HS3ST4: variants seen among roughly 807,000 people sequenced by gnomAD.
HS3ST4 encodes the protein heparan sulfate glucosamine 3-O-sulfotransferase 4.
In HS3ST4, 17 loss-of-function variants were observed where a neutral mutation model predicts 29.2. The ratio of observed to expected loss-of-function variants is 0.58; its 90% confidence interval spans 0.40 to 0.87. The LOEUF is 0.87. HS3ST4 is among the 40% of genes least tolerant of loss of function. The probability of loss-of-function intolerance (pLI) is 0.00; values close to 1 mark genes in which losing one functional copy is unlikely to be tolerated. For missense variants in HS3ST4, 627 were observed against 634.5 expected (o/e 0.99, Z 0.13); for synonymous variants, 314 against 285.7 (o/e 1.10, Z -1.00).
chr16:25,694,114 G>T (rs575190887), intron 1 of HS3ST4, among the ~76,000 whole-genome samples: 1 of 152,188 alleles, frequency 6.6e-6, no homozygotes, highest in Admixed American at 6.5e-5. Flanking sequence ...GATCTGCATG[G>T]CTGGCTGCAT....
At position 25,767,422 on chromosome 16, in the gene HS3ST4, C is replaced by T. The variant is rs548530100; in HGVS notation, c.734+74271C>T. The stretch of plus-strand genomic sequence containing the variant: ...TGAACCCTAAGCGAATATGTCTCCT[C>T]GGGGGGTGGCTGAGTGTCAACTCCA... On this transcript the variant is annotated intron_variant, in intron 1 of 1. Coordinates refer to ENST00000331351, the MANE Select transcript of HS3ST4 (RefSeq NM_006040.3). Among the ~76,000 whole-genome samples the T allele has an allele frequency of 1.4e-4, 21 of 151,938 alleles. 1 individual carries two copies. The highest frequency in any genetic ancestry group is 6.3e-4 in the South Asian group (3 of 4,800).
At chr16:25,876,414 G>A (rs1367832406) in intron 1 of HS3ST4, among the ~76,000 whole-genome samples, 2 of 152,110 alleles carry the variant, frequency 1.3e-5, no homozygotes, top group African/African-American at 4.8e-5. Flanking sequence ...TCTTATGAGT[G>A]GCACCATTCC....
chr16:25,751,653 G>A (rs1431568897), intron 1 of HS3ST4, among the ~76,000 whole-genome samples: 2 of 152,170 alleles, frequency 1.3e-5, no homozygotes, highest in Non-Finnish European at 2.9e-5. Context: ...TGCTAAACAG[G>A]AATCATATTT....
intron 1 of HS3ST4, among the ~76,000 whole-genome samples, chr16:26,081,379 T>C (rs1246470067): frequency 6.6e-6 from 1 of 152,130 alleles, no homozygotes; most frequent in Non-Finnish European, 1.5e-5. Context: ...CAGGATTTTG[T>C]TTTTCTAAAT....
chr16:25,773,623 T>C (rs1026130746), intron 1 of HS3ST4, among the ~76,000 whole-genome samples: 14 of 152,186 alleles, frequency 9.2e-5, no homozygotes, highest in African/African-American at 3.4e-4. Flanking sequence ...GAAAACATCT[T>C]GAAATGCTGG....
intron 1 of HS3ST4, among the ~76,000 whole-genome samples, chr16:26,133,538 T>C (rs778043442): frequency 3.9e-4 from 60 of 152,350 alleles, no homozygotes; most frequent in Admixed American, 8.5e-4. Context: ...TGGTTGTTTA[T>C]GGCCAGGGCT....
At chr16:25,863,159 GT>G (rs550148222) in intron 1 of HS3ST4, among the ~76,000 whole-genome samples, 1 of 151,996 alleles carries the variant, frequency 6.6e-6, no homozygotes, top group Non-Finnish European at 1.5e-5. Context: ...TTTATATGAA[GT>G]TTTTTTTCTG....
intron 1 of HS3ST4, among the ~76,000 whole-genome samples, chr16:25,771,886 G>A (rs1233900791): frequency 6.6e-6 from 1 of 152,170 alleles, no homozygotes; most frequent in Non-Finnish European, 1.5e-5. Flanking sequence ...CATTTTTATG[G>A]ATGGCTTCTT....
chr16:25,693,805 G>A (rs1966274316), intron 1 of HS3ST4, among the ~76,000 whole-genome samples: 9 of 152,174 alleles, frequency 5.9e-5, no homozygotes, highest in Admixed American at 5.2e-4. Flanking sequence ...TTGGTGCCCT[G>A]AGAGTTTTTA....
chr16:25,894,361 G>A (rs113046591), intron 1 of HS3ST4, among the ~76,000 whole-genome samples: 258 of 152,302 alleles, frequency 1.7e-3, no homozygotes, highest in African/African-American at 6.0e-3. Flanking sequence ...ATAAATCATT[G>A]ATGTTGTGGG....
At chr16:26,098,892 T>C (rs1898960692) in intron 1 of HS3ST4, among the ~76,000 whole-genome samples, 2 of 152,032 alleles carry the variant, frequency 1.3e-5, no homozygotes, top group Non-Finnish European at 2.9e-5. Context: ...CCACATGAGC[T>C]AATCCTGTCC....
intron 1 of HS3ST4, among the ~76,000 whole-genome samples, chr16:26,031,366 C>T (rs796362506): frequency 5.3e-5 from 8 of 152,226 alleles, no homozygotes; most frequent in African/African-American, 1.7e-4. Flanking sequence ...TCCTGTGGGC[C>T]GGGACGAGGC....
intron 1 of HS3ST4, among the ~76,000 whole-genome samples, chr16:26,115,557 C>T (rs1049858611): frequency 6.6e-6 from 1 of 152,052 alleles, no homozygotes; most frequent in Admixed American, 6.6e-5. Flanking sequence ...TGCATGAAGC[C>T]ATCCATTTGG....
intron 1 of HS3ST4, among the ~76,000 whole-genome samples, chr16:25,984,271 G>A (rs1969039036): frequency 6.6e-6 from 1 of 152,156 alleles, no homozygotes; most frequent in Non-Finnish European, 1.5e-5. Flanking sequence ...GGCCAGGGAT[G>A]GGGGACGGTT....
chr16:25,823,890 TCTTATTTTTTGC>T (rs957417879), intron 1 of HS3ST4, among the ~76,000 whole-genome samples: 1 of 152,198 alleles, frequency 6.6e-6, no homozygotes, highest in African/African-American at 2.4e-5. Flanking sequence ...TTATATATTC[TCTTATTTTTTGC>T]CTTATTTTGA....
rs1433234644 is a variant in HS3ST4, at chr16:26,136,410, C to T, written c.*162C>T. The stretch of plus-strand genomic sequence containing the variant: ...CTCCAGTGCTGTTAGCTTAGGCAAA[C>T]AGGTGGATCCCATGGCATCCCCATG... On this transcript the variant is annotated 3_prime_UTR_variant, in exon 2 of 2. Transcript: ENST00000331351. 7.3e-6 allele frequency: 5 copies of T among 682,538 alleles called. No homozygotes were observed. In the South Asian group the frequency reaches 7.8e-5, roughly 11 times the overall value. The allele number at this position is 682,538 out of a possible 1,614,324, so 42.3% of individuals were successfully genotyped here.
intron 1 of HS3ST4, among the ~76,000 whole-genome samples, chr16:25,757,209 T>C (rs1966763474): frequency 6.6e-6 from 1 of 152,182 alleles, no homozygotes; most frequent in Non-Finnish European, 1.5e-5. Flanking sequence ...TTGGCAACCT[T>C]ATTAGACTAG....
At chr16:26,091,579 C>T (rs1898857785) in intron 1 of HS3ST4, among the ~76,000 whole-genome samples, 1 of 152,148 alleles carries the variant, frequency 6.6e-6, no homozygotes, top group South Asian at 2.1e-4. Context: ...ACCTCACCAG[C>T]TGGGGACTTC....
intron 1 of HS3ST4, among the ~76,000 whole-genome samples, chr16:25,970,406 T>C (rs1968884736): frequency 6.6e-6 from 1 of 152,238 alleles, no homozygotes; most frequent in South Asian, 2.1e-4. Flanking sequence ...CTATGAATAA[T>C]CATTTTTATA....
Sources: allele counts gnomAD v4.1 joint callset (sites outside exome capture counted in the v4.1 genomes callset), GRCh38; gene constraint gnomAD v4.1.1; transcripts MANE v1.5; gene names NCBI Gene and HGNC (gene_info 2026-07-23, HGNC 2026-07-21).